The following CPB2 variants were observed in gnomAD, a reference collection of about 807,000 sequenced individuals.
CPB2 encodes carboxypeptidase B2, also known as carboxypeptidase B-like protein.
CPB2 carries 54 observed loss-of-function variants against 57.0 expected under a neutral mutation model. That is an observed-to-expected ratio of 0.95 (90% CI 0.76 to 1.19). The LOEUF is 1.19. Among genes scored for constraint, CPB2 ranks in the 50% most tolerant of loss-of-function variants. The probability of loss-of-function intolerance (pLI) is 0.00; values close to 1 mark genes in which losing one functional copy is unlikely to be tolerated. For synonymous variants in CPB2, 189 were observed against 178.1 expected (o/e 1.06, Z -0.49); for missense variants, 426 against 512.0 (o/e 0.83, Z 1.62).
intron 6 of CPB2, among the ~76,000 whole-genome samples, chr13:46,072,403 T>C (rs1193400471): frequency 6.6e-6 from 1 of 152,168 alleles, no homozygotes; most frequent in Non-Finnish European, 1.5e-5. Context: ...GAATTAGTTT[T>C]AGGCAGGCAA....
intron 6 of CPB2, chr13:46,073,471 C>G (rs2044973676): frequency 9.2e-6 from 9 of 982,742 alleles, no homozygotes; most frequent in Non-Finnish European, 1.1e-5. Flanking sequence ...GCTTTATGTT[C>G]AATTTCCAAG....
intron 7 of CPB2, among the ~76,000 whole-genome samples, chr13:46,065,626 CAAAAA>C (rs397851865): frequency 3.2e-5 from 2 of 61,988 alleles, no homozygotes; most frequent in Admixed American, 2.0e-4. Flanking sequence ...GACTCCGTCT[CAAAAA>C]AAAAAAAAAA....
At chr13:46,102,875 G>A (rs939852876) in intron 1 of CPB2, among the ~76,000 whole-genome samples, 3 of 152,030 alleles carry the variant, frequency 2.0e-5, no homozygotes, top group East Asian at 1.9e-4. Flanking sequence ...AGGGACCCTC[G>A]CAGTATGCAA....
At chr13:46,091,768 G>A (rs2045296040) in intron 1 of CPB2, among the ~76,000 whole-genome samples, 1 of 152,220 alleles carries the variant, frequency 6.6e-6, no homozygotes, top group Admixed American at 6.5e-5. Flanking sequence ...ATAGATTAAT[G>A]TGACTCAACA....
At chr13:46,071,166 G>GGGTTCGGT (rs2044936371) in intron 6 of CPB2, among the ~76,000 whole-genome samples, 1 of 152,168 alleles carries the variant, frequency 6.6e-6, no homozygotes, top group Non-Finnish European at 1.5e-5. Flanking sequence ...AAGGGAGCAA[G>GGGTTCGGT]AAATTGAGGG....
chr13:46,093,301 A>T (rs1170473798), intron 1 of CPB2, among the ~76,000 whole-genome samples: 1 of 152,200 alleles, frequency 6.6e-6, no homozygotes, highest in Non-Finnish European at 1.5e-5. Flanking sequence ...CTATGGAGAG[A>T]CTTGCTTATT....
chr13:46,088,486 A>G (rs1214166701), intron 1 of CPB2, among the ~76,000 whole-genome samples: 1 of 152,222 alleles, frequency 6.6e-6, no homozygotes, highest in Non-Finnish European at 1.5e-5. Context: ...GTGTTGAAGT[A>G]GCTAGCCATA....
chr13:46,088,511 G>A (rs932999049), intron 1 of CPB2, among the ~76,000 whole-genome samples: 24 of 152,168 alleles, frequency 1.6e-4, no homozygotes, highest in African/African-American at 5.8e-4. Flanking sequence ...ACACGTGAAA[G>A]CATTTTCTTA....
chr13:46,075,473 C>T (rs1593897472), intron 5 of CPB2, among the ~76,000 whole-genome samples: 1 of 152,180 alleles, frequency 6.6e-6, no homozygotes, highest in African/African-American at 2.4e-5. Context: ...GATTTTTCAA[C>T]GTGTACAGGT....
intron 9 of CPB2, among the ~76,000 whole-genome samples, chr13:46,056,931 A>G (rs1026849927): frequency 6.6e-6 from 1 of 152,176 alleles, no homozygotes; most frequent in Non-Finnish European, 1.5e-5. Context: ...ATCCCTTGAT[A>G]TTCTAGTTAG....
intron 1 of CPB2, among the ~76,000 whole-genome samples, chr13:46,095,876 C>CT (rs34686626): frequency 0.24 from 20,782 of 85,760 alleles, 3,858 homozygotes; most frequent in African/African-American, 0.32. Flanking sequence ...GGCTATAGGA[C>CT]TTTTTTTTTT....
chr13:46,087,084 C>T lies in CPB2; in HGVS notation c.150+661G>A, dbSNP rs544970983. On this transcript the variant is annotated intron_variant, in intron 2 of 10. Transcript: ENST00000181383. ...AACCCCAGCTGGGCAGCTGCAGCTG[C>T]GCCCAGGAGGGCAGGGCTCCTGCCT... Among the ~76,000 whole-genome samples, 10 of 152,316 alleles carry T rather than the reference C, an allele frequency of 6.6e-5. No homozygotes were observed. The South Asian group carries it at 1.0e-3, about 16-fold the overall frequency.
At chr13:46,054,573 G>A (rs893201108) in intron 10 of CPB2, among the ~76,000 whole-genome samples, 2 of 151,896 alleles carry the variant, frequency 1.3e-5, no homozygotes, top group African/African-American at 2.4e-5. Context: ...TTTTGGGGGG[G>A]TGCTAAATTG....
At chr13:46,055,509 G>A (rs2044685393) in intron 10 of CPB2, among the ~76,000 whole-genome samples, 1 of 152,144 alleles carries the variant, frequency 6.6e-6, no homozygotes, top group African/African-American at 2.4e-5. Context: ...TGCCAATTCT[G>A]TAATTCCTAC....
At chr13:46,078,682 C>T in intron 5 of CPB2, 118 bp downstream of exon 5, 1 of 714,026 alleles carries the variant, frequency 1.4e-6, no homozygotes, top group Non-Finnish European at 2.4e-6. Context: ...TTGAGGAACA[C>T]TTGTAATGCA....
intron 2 of CPB2, among the ~76,000 whole-genome samples, chr13:46,087,518 T>C (rs1480930981): frequency 1.3e-5 from 2 of 152,242 alleles, no homozygotes; most frequent in African/African-American, 4.8e-5. Flanking sequence ...GCACACTTTA[T>C]ATCCCAAGGT....
In CPB2 at chr13:46,053,354, G is replaced by A. The variant is rs1453206140; in HGVS notation, c.*260C>T. On this transcript the variant is annotated 3_prime_UTR_variant, in exon 11 of 11. Coordinates refer to ENST00000181383, the MANE Select transcript of CPB2 (RefSeq NM_001872.5). ...TAGTCAAACGTCGAAACTTGCTTGA[G>A]ATGGCTAGTCAAACGTCGAAAATCA... 3.0e-6 allele frequency: 1 copy of A among 334,866 alleles called. No homozygotes were observed. Among genetic ancestry groups the A allele is most frequent in the Non-Finnish European group, 5.3e-6 (1 of 188,282 alleles). The allele number at this position is 334,866 out of a possible 1,614,324, so 20.7% of individuals were successfully genotyped here. A position where few individuals can be genotyped will look rare whatever the true frequency, so the allele number is the denominator to read the frequency against.
At chr13:46,087,285 C>T (rs1485329512) in intron 2 of CPB2, among the ~76,000 whole-genome samples, 2 of 152,244 alleles carry the variant, frequency 1.3e-5, no homozygotes, top group Non-Finnish European at 2.9e-5. Flanking sequence ...GTGCCTCCCG[C>T]ATGGCAGCAG....
chr13:46,086,276 T>C (rs1411554345), intron 2 of CPB2, among the ~76,000 whole-genome samples: 1 of 152,132 alleles, frequency 6.6e-6, no homozygotes, highest in Non-Finnish European at 1.5e-5. Context: ...GTTAGAGCTC[T>C]TTCACCTCCA....
Sources: gnomAD v4.1 joint callset for allele counts (sites outside exome capture counted in the v4.1 genomes callset) on GRCh38, gnomAD v4.1.1 for gene constraint, MANE v1.5 for transcripts, NCBI Gene and HGNC (gene_info 2026-07-23, HGNC 2026-07-21) for gene names.